RANBP2: variants seen among roughly 807,000 people sequenced by gnomAD.
RANBP2 encodes the protein E3 SUMO-protein ligase RanBP2.
Under a neutral mutation model 303.6 loss-of-function variants are expected in RANBP2, and 57 were observed. The ratio of observed to expected loss-of-function variants is 0.19; its 90% CI spans 0.15 to 0.23. RANBP2 has a LOEUF of 0.23. Ranked by LOEUF, RANBP2 falls within the 10% of genes least tolerant of loss-of-function variation. The pLI is 1.00. For missense variants in RANBP2, 3,138 were observed against 3,780.8 expected (o/e 0.83, Z 4.46); for synonymous variants, 1,167 against 1,301.5 (o/e 0.90, Z 2.23).
the RANBP2 span, among the ~76,000 whole-genome samples, chr2:109,469,296 T>C: frequency 3.9e-5 from 6 of 152,248 alleles, no homozygotes; most frequent in Non-Finnish European, 8.8e-5. Flanking sequence ...ACCACCTCAC[T>C]GTGTCCTCCA....
chr2:108,966,740 A>G, the RANBP2 span, among the ~76,000 whole-genome samples: 2 of 152,232 alleles, frequency 1.3e-5, no homozygotes, highest in African/African-American at 4.8e-5. Flanking sequence ...CTGAGCCCAC[A>G]TGGCCTGCTG....
At chr2:109,467,282 T>C in the RANBP2 span, among the ~76,000 whole-genome samples, 1 of 152,178 alleles carries the variant, frequency 6.6e-6, no homozygotes, top group African/African-American at 2.4e-5. Context: ...GGCTCAACCC[T>C]GCAAAGGGGC....
At chr2:108,859,760 T>G in the RANBP2 span, among the ~76,000 whole-genome samples, 2 of 152,170 alleles carry the variant, frequency 1.3e-5, no homozygotes, top group East Asian at 1.9e-4. Flanking sequence ...TTCTTTTTAC[T>G]TAAGTTTGTT....
At chr2:109,632,485 T>G in the RANBP2 span, among the ~76,000 whole-genome samples, 1 of 152,108 alleles carries the variant, frequency 6.6e-6, no homozygotes, top group African/African-American at 2.4e-5. Context: ...TCAGGTCAGT[T>G]TGGGTGGAAA....
the RANBP2 span, among the ~76,000 whole-genome samples, chr2:109,571,884 G>A: frequency 5.9e-3 from 905 of 152,264 alleles, 9 homozygotes; most frequent in African/African-American, 0.021. Context: ...AATATAAATT[G>A]CTCCTGGCTA....
chr2:109,287,210 T>C, the RANBP2 span, among the ~76,000 whole-genome samples: 4 of 152,326 alleles, frequency 2.6e-5, no homozygotes, highest in African/African-American at 9.6e-5. Flanking sequence ...TTTTAAATTT[T>C]TCCAAGGGAC....
chr2:109,615,879 T>G, the RANBP2 span: 1 of 1,613,316 alleles, frequency 6.2e-7, no homozygotes, highest in Admixed American at 1.7e-5. Context: ...CTCGGGCAGC[T>G]CTAGTGGACG....
chr2:109,597,530 C>T, the RANBP2 span, among the ~76,000 whole-genome samples: 7 of 152,320 alleles, frequency 4.6e-5, no homozygotes, highest in Middle Eastern at 3.4e-3. Context: ...CTCGTTTCAA[C>T]GCACAAGGGG....
chr2:109,380,894 C>T, the RANBP2 span, among the ~76,000 whole-genome samples: 1 of 152,244 alleles, frequency 6.6e-6, no homozygotes, highest in African/African-American at 2.4e-5. Context: ...CAGCAGGGCA[C>T]GCACTGGTCC....
At chr2:109,012,012 T>TTCTGTTTTTCGATTCG in the RANBP2 span, among the ~76,000 whole-genome samples, 1 of 152,222 alleles carries the variant, frequency 6.6e-6, no homozygotes, top group Non-Finnish European at 1.5e-5. Flanking sequence ...AGTCACTTTC[T>TTCTGTTTTTCGATTCG]TCTGTTTTTC....
the RANBP2 span, among the ~76,000 whole-genome samples, chr2:109,368,372 G>A: frequency 6.6e-6 from 1 of 151,880 alleles, no homozygotes; most frequent in Non-Finnish European, 1.5e-5. Flanking sequence ...TTTTCTTCTT[G>A]GACATTCAAG....
the RANBP2 span, chr2:109,128,958 C>T: frequency 4.8e-6 from 2 of 417,028 alleles, no homozygotes; most frequent in Non-Finnish European, 9.6e-6. Context: ...CCGCAGTGAC[C>T]GTGACCTCCG....
the RANBP2 span, among the ~76,000 whole-genome samples, chr2:108,998,435 C>T: frequency 1.3e-5 from 2 of 152,298 alleles, no homozygotes; most frequent in East Asian, 1.9e-4. Context: ...GAAAACATCT[C>T]GTTGGGAAGT....
At chr2:108,955,505 TG>T in the RANBP2 span, among the ~76,000 whole-genome samples, 1 of 152,194 alleles carries the variant, frequency 6.6e-6, no homozygotes, top group African/African-American at 2.4e-5. Context: ...CCTAGCACTC[TG>T]GGAGGCCGTG....
chr2:109,155,235 C>T, the RANBP2 span, among the ~76,000 whole-genome samples: 1 of 152,130 alleles, frequency 6.6e-6, no homozygotes, highest in African/African-American at 2.4e-5. Flanking sequence ...GCATCTATGC[C>T]TATTTTATAG....
At chr2:109,104,271 C>A in the RANBP2 span, among the ~76,000 whole-genome samples, 1 of 152,092 alleles carries the variant, frequency 6.6e-6, no homozygotes, top group Non-Finnish European at 1.5e-5. Context: ...GCTACAAAAT[C>A]TGTTGTGTCA....
At chr2:109,530,151 C>T in the RANBP2 span, among the ~76,000 whole-genome samples, 1 of 152,302 alleles carries the variant, frequency 6.6e-6, no homozygotes, top group East Asian at 1.9e-4. Flanking sequence ...CACACAACAC[C>T]AGACACTGCG....
chr2:109,569,564 A>G, the RANBP2 span, among the ~76,000 whole-genome samples: 1 of 152,168 alleles, frequency 6.6e-6, no homozygotes, highest in South Asian at 2.1e-4. Flanking sequence ...CAAGGAGAGA[A>G]ATTTTTTCTG....
the RANBP2 span, among the ~76,000 whole-genome samples, chr2:109,485,993 C>T: frequency 6.6e-6 from 1 of 152,360 alleles, no homozygotes; most frequent in South Asian, 2.1e-4. Context: ...AGCTCAGGTC[C>T]ACAGAATCAG....
Sources: gnomAD v4.1 joint callset for allele counts (sites outside exome capture counted in the v4.1 genomes callset) on GRCh38, gnomAD v4.1.1 for gene constraint, MANE v1.5 for transcripts, NCBI Gene and HGNC (gene_info 2026-07-23, HGNC 2026-07-21) for gene names.